Variants in GRIN2B observed in about 807,000 individuals in gnomAD.
GRIN2B encodes glutamate receptor ionotropic, NMDA 2B.
GRIN2B carries 5 observed loss-of-function variants against 114.5 expected under a neutral mutation model. The observed-to-expected ratio is 0.04, with a 90% CI of 0.02 to 0.09. GRIN2B has a LOEUF of 0.09. GRIN2B is among the 10% of genes least tolerant of loss of function. The pLI is 1.00. For missense variants in GRIN2B, 1,108 were observed against 1,943.5 expected, an observed-to-expected ratio of 0.57 and a Z score of 8.08; for synonymous variants, 787 against 745.1, an observed-to-expected ratio of 1.06 and a Z score of -0.92.
intron 4 of GRIN2B, among the ~76,000 whole-genome samples, chr12:13,726,676 T>C (rs895241993): frequency 1.3e-5 from 2 of 151,744 alleles, no homozygotes; most frequent in African/African-American, 4.8e-5. Context: ...TTTACTTTTT[T>C]ATTTCAATAG....
At chr12:13,730,216 T>C (rs1044532350) in intron 4 of GRIN2B, among the ~76,000 whole-genome samples, 2 of 152,192 alleles carry the variant, frequency 1.3e-5, no homozygotes, top group Non-Finnish European at 2.9e-5. Context: ...AAAACTATAA[T>C]GGAAGAAATC....
intron 5 of GRIN2B, among the ~76,000 whole-genome samples, chr12:13,673,577 A>T (rs747405547): frequency 5.3e-5 from 8 of 152,152 alleles, no homozygotes; most frequent in Non-Finnish European, 8.8e-5. Flanking sequence ...ATTGTCACAT[A>T]GTCCCTGGAT....
chr12:13,616,336 C>A, intron 6 of GRIN2B, 119 bp downstream of exon 6: 1 of 754,422 alleles, frequency 1.3e-6, no homozygotes, highest in Admixed American at 2.0e-5. Flanking sequence ...TCAAAAGCAA[C>A]TAGAAATCAG....
chr12:13,956,039 AGAG>A (rs1474881752), intron 2 of GRIN2B, among the ~76,000 whole-genome samples: 1 of 152,190 alleles, frequency 6.6e-6, no homozygotes, highest in African/African-American at 2.4e-5. Context: ...AAGGCTTCCT[AGAG>A]GAGGTGAGGT....
intron 3 of GRIN2B, among the ~76,000 whole-genome samples, chr12:13,828,622 G>A (rs1160497870): frequency 6.6e-6 from 1 of 152,110 alleles, no homozygotes; most frequent in African/African-American, 2.4e-5. Flanking sequence ...TTATCTCCAG[G>A]TAAACAGCCT....
Position 13,564,209 on chromosome 12 carries a change from G to A in GRIN2B, c.3029C>T (p.Pro1010Leu), listed in dbSNP as rs1401004316. 6.2e-7 allele frequency: 1 copy of A among 1,614,046 alleles called. No individual in the cohort carries two copies. Among genetic ancestry groups the A allele is most frequent in the East Asian group, 2.2e-5 (1 of 44,874 alleles). Residue 1010 changes from proline to leucine, a missense_variant, in exon 14 of 14, where the codon CCC becomes CTC. Around this residue, in one of 19 missense-constraint regions of GRIN2B, gnomAD observed 140 missense variants for 187.5 expected, o/e 0.75. Coordinates refer to ENST00000609686, the MANE Select transcript of GRIN2B (RefSeq NM_000834.5). This position sits in a 1 kb window ranked among gnomAD's most constrained non-coding sequence, Gnocchi z 4.8. ...GATGGACCTGGACTGGGTGGTGAAG[G>A]GTGGGTTGTCACAGTCGTAGAGCCC... ...IDGLYDCDNPPFTTQSRSISK... is the reference protein window; with the variant it reads ...IDGLYDCDNPLFTTQSRSISK...
chr12:13,613,748 T>C (rs970314485), intron 8 of GRIN2B, among the ~76,000 whole-genome samples: 7 of 152,196 alleles, frequency 4.6e-5, no homozygotes, highest in African/African-American at 1.7e-4. Context: ...TATGAGTTAA[T>C]ATAACCAAAG....
At chr12:13,800,307 G>A (rs1316922312) in intron 3 of GRIN2B, among the ~76,000 whole-genome samples, 1 of 152,250 alleles carries the variant, frequency 6.6e-6, no homozygotes, top group African/African-American at 2.4e-5. Flanking sequence ...TCAAAGCTCT[G>A]TGGGTACTCT....
At chr12:13,853,468 A>G (rs1865606878) in intron 3 of GRIN2B, among the ~76,000 whole-genome samples, 1 of 152,248 alleles carries the variant, frequency 6.6e-6, no homozygotes, top group African/African-American at 2.4e-5. Context: ...AACATTTAAA[A>G]CTGTTTCTTT....
chr12:13,677,643 T>G (rs551048243), intron 4 of GRIN2B, among the ~76,000 whole-genome samples: 1 of 152,202 alleles, frequency 6.6e-6, no homozygotes, highest in Non-Finnish European at 1.5e-5. Flanking sequence ...TTAGCTCTTC[T>G]TGAATTCTTT....
chr12:13,963,426 T>C (rs1397771029), intron 2 of GRIN2B, among the ~76,000 whole-genome samples: 1 of 152,170 alleles, frequency 6.6e-6, no homozygotes, highest in Admixed American at 6.5e-5. Context: ...TAGGCATTTA[T>C]GTAAGAAAAA....
chr12:13,544,329 C>G lies in GRIN2B; in HGVS notation c.*18454G>C, dbSNP rs756829936. On this transcript the variant is annotated 3_prime_UTR_variant, in exon 14 of 14. Transcript: ENST00000609686. ...CTTGCTTTACCCATTAACCACTCCT[C>G]CCATTGCTGGTCCCTTCTCATCTCC... 6 of 152,278 alleles carry G rather than the reference C, an allele frequency of 3.9e-5. No individual in the cohort carries two copies. Among genetic ancestry groups the G allele is most frequent in the Non-Finnish European group, 8.8e-5 (6 of 68,134 alleles). 9.4% of individuals were successfully genotyped at this position (152,278 alleles called of 1,614,324 possible).
At chr12:13,778,372 T>C (rs1174213980) in intron 3 of GRIN2B, among the ~76,000 whole-genome samples, 1 of 152,210 alleles carries the variant, frequency 6.6e-6, no homozygotes, top group African/African-American at 2.4e-5. Context: ...TATTACATGA[T>C]GGTGCAAATC....
At position 13,543,837 on chromosome 12, in the gene GRIN2B, C is replaced by T. The variant is rs1462807176; in HGVS notation, c.*18946G>A. ...TCCCATTATCCCATTTACCAGCCCA[C>T]TTGCATCTGTGCCCAAATGCACTAT... On this transcript the variant is annotated 3_prime_UTR_variant, in exon 14 of 14. Coordinates refer to ENST00000609686, the MANE Select transcript of GRIN2B (RefSeq NM_000834.5). The T allele has an allele frequency of 4.6e-5, 7 of 152,216 alleles. No individual in the cohort carries two copies. The highest frequency in any genetic ancestry group is 8.8e-5 in the Non-Finnish European group (6 of 68,046). 9.4% of individuals were successfully genotyped at this position (152,216 alleles called of 1,614,324 possible).
intron 3 of GRIN2B, among the ~76,000 whole-genome samples, chr12:13,772,175 G>A (rs56208038): frequency 0.014 from 2,181 of 152,268 alleles, 51 homozygotes; most frequent in African/African-American, 0.049. Context: ...GCTATCACCC[G>A]GTCTCAGATG....
Position 13,541,983 on chromosome 12 carries a change from A to G in GRIN2B, c.*20800T>C, listed in dbSNP as rs1013643210. The G allele has an allele frequency of 6.6e-6, 1 of 152,068 alleles. No individual in the cohort carries two copies. The highest frequency in any genetic ancestry group is 1.5e-5 in the Non-Finnish European group (1 of 68,020). 9.4% of individuals were successfully genotyped at this position (152,068 alleles called of 1,614,324 possible). A position where few individuals can be genotyped will look rare whatever the true frequency, so the allele number is the denominator to read the frequency against. On this transcript the variant is annotated 3_prime_UTR_variant, in exon 14 of 14. Coordinates refer to ENST00000609686, the MANE Select transcript of GRIN2B (RefSeq NM_000834.5). ...ATTTTTCTGCTCTCCTTGCCAAACT[A>G]CTTGTTTTTTTCAGACCCTCCCCAA... is the stretch of plus-strand genomic sequence containing the variant.
Position 13,556,436 on chromosome 12 carries a change from A to G in GRIN2B, c.*6347T>C, listed in dbSNP as rs971948072. Reference sequence around the variant, plus strand: ...TCATTCACAGAACTAGCCTAGGGACATAGTACGTGCACAATAGACGTTGGT... The same window carrying G: ...TCATTCACAGAACTAGCCTAGGGACGTAGTACGTGCACAATAGACGTTGGT... On this transcript the variant is annotated 3_prime_UTR_variant, in exon 14 of 14. Coordinates refer to ENST00000609686, the MANE Select transcript of GRIN2B (RefSeq NM_000834.5). The G allele has an allele frequency of 6.6e-6, 1 of 152,170 alleles. No homozygotes were observed. The highest frequency in any genetic ancestry group is 2.1e-4 in the South Asian group (1 of 4,822). The allele number at this position is 152,170 out of a possible 1,614,324, so 9.4% of individuals were successfully genotyped here.
chr12:13,705,914 G>A (rs1026508782), intron 4 of GRIN2B, among the ~76,000 whole-genome samples: 3 of 152,092 alleles, frequency 2.0e-5, no homozygotes, highest in African/African-American at 7.2e-5. Context: ...TAGTGAGGTA[G>A]TAATCATTTG....
chr12:13,930,509 C>T (rs1486884098), intron 2 of GRIN2B, among the ~76,000 whole-genome samples: 2 of 152,126 alleles, frequency 1.3e-5, no homozygotes, highest in Admixed American at 1.3e-4. Context: ...GATCTTGAGC[C>T]GGTAAAAACC....
Sources: gnomAD v4.1 joint callset for allele counts (sites outside exome capture counted in the v4.1 genomes callset) on GRCh38, gnomAD v4.1.1 for gene constraint, gnomAD v4.1.1 regional missense constraint, Gnocchi (gnomAD v3.1) non-coding constraint, MANE v1.5 for transcripts, NCBI Gene and HGNC (gene_info 2026-07-23, HGNC 2026-07-21) for gene names.